Variants in PPFIA2 observed in about 807,000 individuals in gnomAD.
PPFIA2 encodes the protein liprin-alpha-2.
PPFIA2 carries 46 observed loss-of-function variants against 175.5 expected under a neutral mutation model. That is an observed-to-expected ratio of 0.26 (90% CI 0.21 to 0.34). The LOEUF (loss-of-function observed/expected upper bound fraction) is 0.34. Ranked by LOEUF, PPFIA2 falls within the 10% of genes least tolerant of loss-of-function variation. The pLI is 1.00. For synonymous variants in PPFIA2, 568 were observed against 511.4 expected (o/e 1.11, Z -1.49); for missense variants, 1,179 against 1,506.1 (o/e 0.78, Z 3.60).
chr12:81,650,676 C>A (rs2066900829), intron 4 of PPFIA2, among the ~76,000 whole-genome samples: 3 of 152,110 alleles, frequency 2.0e-5, no homozygotes, highest in South Asian at 2.1e-4. Flanking sequence ...GAAACCTATG[C>A]AATATTTCTC....
intron 4 of PPFIA2, among the ~76,000 whole-genome samples, chr12:81,585,968 A>G (rs962079726): frequency 6.6e-6 from 1 of 152,016 alleles, no homozygotes; most frequent in East Asian, 1.9e-4. Flanking sequence ...TATGATGACT[A>G]TGATATTATG....
At chr12:81,413,851 G>A (rs1474578772) in intron 7 of PPFIA2, among the ~76,000 whole-genome samples, 1 of 151,696 alleles carries the variant, frequency 6.6e-6, no homozygotes, top group African/African-American at 2.4e-5. Flanking sequence ...AATTGATTTA[G>A]TATTCACTTC....
chr12:81,709,351 C>A (rs1356435151), intron 3 of PPFIA2, among the ~76,000 whole-genome samples: 1 of 152,096 alleles, frequency 6.6e-6, no homozygotes. Flanking sequence ...TCAGATCCAT[C>A]ATCAAATTTT....
chr12:81,635,057 G>A (rs1348025304), intron 4 of PPFIA2, among the ~76,000 whole-genome samples: 1 of 152,144 alleles, frequency 6.6e-6, no homozygotes, highest in Non-Finnish European at 1.5e-5. Flanking sequence ...CAGATTTTCT[G>A]ATGTGAGACA....
intron 3 of PPFIA2, among the ~76,000 whole-genome samples, chr12:81,745,620 C>T (rs979299822): frequency 4.6e-5 from 7 of 152,180 alleles, no homozygotes; most frequent in South Asian, 2.1e-4. Context: ...TGGGCTTCTG[C>T]GAGTATACTC....
At chr12:81,630,442 A>G (rs1295646310) in intron 4 of PPFIA2, among the ~76,000 whole-genome samples, 1 of 152,180 alleles carries the variant, frequency 6.6e-6, no homozygotes, top group Non-Finnish European at 1.5e-5. Flanking sequence ...TCTATAGAAC[A>G]TACAGGTTAC....
intron 4 of PPFIA2, among the ~76,000 whole-genome samples, chr12:81,489,677 A>G (rs898088245): frequency 1.3e-5 from 2 of 151,918 alleles, no homozygotes; most frequent in African/African-American, 4.8e-5. Context: ...TGTGTTTGAA[A>G]CGTTTCTATC....
intron 3 of PPFIA2, among the ~76,000 whole-genome samples, chr12:81,740,091 T>C (rs973358350): frequency 2.0e-5 from 3 of 152,116 alleles, no homozygotes; most frequent in African/African-American, 4.8e-5. Flanking sequence ...GCAAAAATGA[T>C]TTAAAATATT....
chr12:81,431,880 C>G (rs1474860637), intron 7 of PPFIA2, among the ~76,000 whole-genome samples: 2 of 152,160 alleles, frequency 1.3e-5, no homozygotes, highest in Non-Finnish European at 2.9e-5. Flanking sequence ...CTGCCTCTCT[C>G]TGTCACCTCC....
intron 21 of PPFIA2, among the ~76,000 whole-genome samples, chr12:81,331,227 T>C (rs1429896638): frequency 6.6e-6 from 1 of 152,236 alleles, no homozygotes; most frequent in African/African-American, 2.4e-5. Flanking sequence ...ACACAAATAC[T>C]TAACCATTGT....
At chr12:81,288,339 G>A (rs2044018355) in intron 24 of PPFIA2, among the ~76,000 whole-genome samples, 1 of 151,914 alleles carries the variant, frequency 6.6e-6, no homozygotes, top group East Asian at 1.9e-4. Flanking sequence ...ATCTGACAAT[G>A]AGAGCCTCTT....
intron 4 of PPFIA2, among the ~76,000 whole-genome samples, chr12:81,516,913 G>C (rs909400831): frequency 6.6e-6 from 1 of 152,114 alleles, no homozygotes; most frequent in Non-Finnish European, 1.5e-5. Flanking sequence ...CAGATAACTT[G>C]TCATATCACT....
At chr12:81,436,047 T>A (rs550485276) in intron 7 of PPFIA2, among the ~76,000 whole-genome samples, 4 of 151,502 alleles carry the variant, frequency 2.6e-5, no homozygotes, top group Non-Finnish European at 5.9e-5. Context: ...GGAGGCCGAG[T>A]TGGGCAGACT....
chr12:81,302,383 A>G (rs1182460178), intron 22 of PPFIA2, among the ~76,000 whole-genome samples: 1 of 152,118 alleles, frequency 6.6e-6, no homozygotes, highest in African/African-American at 2.4e-5. Flanking sequence ...TGTTCTATGA[A>G]CAGAAGTATT....
At chr12:81,561,909 G>C (rs1027121960) in intron 4 of PPFIA2, among the ~76,000 whole-genome samples, 2 of 152,180 alleles carry the variant, frequency 1.3e-5, no homozygotes, top group Non-Finnish European at 2.9e-5. Context: ...TCTACCTGGA[G>C]TATTCTTTTG....
chr12:81,594,732 T>C (rs557147316), intron 4 of PPFIA2, among the ~76,000 whole-genome samples: 1 of 151,994 alleles, frequency 6.6e-6, no homozygotes, highest in East Asian at 1.9e-4. Context: ...GAAAATATAG[T>C]GAGACTTCCA....
At chr12:81,539,872 G>A (rs2065943842) in intron 4 of PPFIA2, among the ~76,000 whole-genome samples, 1 of 151,972 alleles carries the variant, frequency 6.6e-6, no homozygotes, top group African/African-American at 2.4e-5. Flanking sequence ...GCTGTTAGGT[G>A]TGATTGCTTA....
intron 13 of PPFIA2, among the ~76,000 whole-genome samples, chr12:81,367,402 A>C (rs2033807055): frequency 6.6e-6 from 1 of 151,672 alleles, no homozygotes; most frequent in African/African-American, 2.4e-5. Flanking sequence ...TTGAATGAAC[A>C]AATGAAATAA....
chr12:81,660,611 G>A (rs531885757), intron 4 of PPFIA2, among the ~76,000 whole-genome samples: 3 of 152,164 alleles, frequency 2.0e-5, no homozygotes, highest in African/African-American at 7.2e-5. Context: ...GAACCAAGTT[G>A]GAAAACACTC....
Sources: allele counts gnomAD v4.1 joint callset (sites outside exome capture counted in the v4.1 genomes callset), GRCh38; gene constraint gnomAD v4.1.1; transcripts MANE v1.5; gene names NCBI Gene and HGNC (gene_info 2026-07-23, HGNC 2026-07-21).